CLVS1: variants seen among roughly 807,000 people sequenced by gnomAD.
The protein encoded by CLVS1 is clavesin 1, also known as clavesin-1.
Under a neutral mutation model 33.1 loss-of-function variants are expected in CLVS1, and 10 were observed. The ratio of observed to expected loss-of-function variants is 0.30; its 90% CI spans 0.19 to 0.51. CLVS1 has a LOEUF of 0.51. Among genes scored for constraint, CLVS1 ranks in the 20% least tolerant of loss-of-function variants. The pLI is 0.97. For missense variants in CLVS1, 343 were observed against 433.4 expected (o/e 0.79, Z 1.85); for synonymous variants, 163 against 166.1 (o/e 0.98, Z 0.14).
intron 2 of CLVS1, among the ~76,000 whole-genome samples, chr8:61,272,717 T>G (rs1809472522): frequency 6.6e-6 from 1 of 152,200 alleles, no homozygotes; most frequent in Admixed American, 6.5e-5. Context: ...TTCTCTAAAC[T>G]TCCCTTCTCA....
At chr8:61,235,931 A>G (rs187092657) in intron 2 of CLVS1, among the ~76,000 whole-genome samples, 2 of 152,322 alleles carry the variant, frequency 1.3e-5, no homozygotes, top group South Asian at 4.1e-4. Context: ...CATCTGGCAC[A>G]TGGTTAGATG....
intron 1 of CLVS1, among the ~76,000 whole-genome samples, chr8:61,057,612 C>T (rs867837512): frequency 1.4e-4 from 21 of 152,056 alleles, no homozygotes; most frequent in Admixed American, 3.3e-4. Flanking sequence ...TCTGGTATCC[C>T]ACTCTGAGCC....
intron 2 of CLVS1, among the ~76,000 whole-genome samples, chr8:61,246,205 G>A (rs1299215878): frequency 2.8e-5 from 2 of 70,952 alleles, no homozygotes; most frequent in African/African-American, 8.4e-5. Context: ...TTGAGACGGA[G>A]TCTCACTCTG....
intron 2 of CLVS1, among the ~76,000 whole-genome samples, chr8:61,366,826 TG>T (rs1228515022): frequency 2.6e-5 from 4 of 152,176 alleles, no homozygotes; most frequent in Non-Finnish European, 5.9e-5. Flanking sequence ...CTGCTCATGG[TG>T]GTATTTTATC....
At chr8:61,052,730 G>A (rs1804405807), upstream of CLVS1, among the ~76,000 whole-genome samples, 1 of 152,174 alleles carries the variant, frequency 6.6e-6, no homozygotes, top group East Asian at 1.9e-4. Context: ...GGTGGCGTGG[G>A]GCTCTGAGGG....
At chr8:61,049,045 A>G in the CLVS1 span, among the ~76,000 whole-genome samples, 1 of 152,204 alleles carries the variant, frequency 6.6e-6, no homozygotes. Flanking sequence ...AGAGGACAAA[A>G]TTTATTCAGG....
chr8:61,077,201 G>A (rs900689876), intron 1 of CLVS1, among the ~76,000 whole-genome samples: 2 of 151,692 alleles, frequency 1.3e-5, no homozygotes, highest in African/African-American at 4.8e-5. Flanking sequence ...AGCCTCCCGA[G>A]TAGCTGGGAC....
chr8:61,228,539 C>A (rs1808374809), intron 2 of CLVS1, among the ~76,000 whole-genome samples: 1 of 152,204 alleles, frequency 6.6e-6, no homozygotes, highest in African/African-American at 2.4e-5. Flanking sequence ...TGGGTTAAAT[C>A]ATCTATCACA....
the CLVS1 span, among the ~76,000 whole-genome samples, chr8:60,974,884 C>G: frequency 6.6e-6 from 1 of 152,124 alleles, no homozygotes; most frequent in Non-Finnish European, 1.5e-5. Context: ...AGCAGTAGCT[C>G]TCAATCCTGG....
At position 61,342,426 on chromosome 8, in the gene CLVS1, T is replaced by C. The variant is rs547587911; in HGVS notation, c.456-34179T>C. 5.9e-5 allele frequency among the ~76,000 whole-genome samples: 9 copies of C among 152,274 alleles called. 1 individual carries two copies. In the South Asian group the frequency reaches 1.0e-3, roughly 18 times the overall value. On this transcript the variant is annotated intron_variant, in intron 2 of 5. Coordinates refer to ENST00000325897, the MANE Select transcript of CLVS1 (RefSeq NM_173519.3). ...TCTGACACTTGTTGCCTATATCCGCTCTACACAGAGCTCCCTGAGAAGCGC... is the reference window on the plus strand; with the variant it reads ...TCTGACACTTGTTGCCTATATCCGCCCTACACAGAGCTCCCTGAGAAGCGC...
chr8:61,335,040 A>T (rs1355433910), intron 2 of CLVS1, among the ~76,000 whole-genome samples: 1 of 152,164 alleles, frequency 6.6e-6, no homozygotes, highest in African/African-American at 2.4e-5. Context: ...AGGGAGTTGG[A>T]GCAGTCTTCT....
intron 5 of CLVS1, among the ~76,000 whole-genome samples, chr8:61,475,361 G>T (rs1305535433): frequency 6.6e-6 from 1 of 152,176 alleles, no homozygotes; most frequent in Non-Finnish European, 1.5e-5. Flanking sequence ...GATCCCTGAG[G>T]AATCGCCACA....
At chr8:61,481,286 C>G (rs1196892212) in intron 5 of CLVS1, among the ~76,000 whole-genome samples, 2 of 152,148 alleles carry the variant, frequency 1.3e-5, no homozygotes, top group African/African-American at 4.8e-5. Flanking sequence ...GTCTGCAGCT[C>G]CCAGTGTGAG....
At chr8:61,032,518 A>T in the CLVS1 span, among the ~76,000 whole-genome samples, 1 of 152,170 alleles carries the variant, frequency 6.6e-6, no homozygotes, top group Non-Finnish European at 1.5e-5. Flanking sequence ...GGTGCTGGCC[A>T]GGGAGCTGAT....
chr8:61,060,495 G>A (rs976013739), intron 1 of CLVS1, among the ~76,000 whole-genome samples: 7 of 152,098 alleles, frequency 4.6e-5, no homozygotes, highest in African/African-American at 1.7e-4. Context: ...CAGAAATTTG[G>A]CTTTAAATTG....
chr8:61,110,384 T>A (rs1243633421), intron 1 of CLVS1, among the ~76,000 whole-genome samples: 1 of 152,144 alleles, frequency 6.6e-6, no homozygotes. Flanking sequence ...CCTCAATTAT[T>A]CCATGGAATC....
intron 3 of CLVS1, among the ~76,000 whole-genome samples, chr8:61,439,054 T>C (rs572907618): frequency 1.3e-5 from 2 of 152,364 alleles, no homozygotes; most frequent in Non-Finnish European, 2.9e-5. Flanking sequence ...ATTTACCACT[T>C]GCCAAAGATG....
chr8:61,179,696 A>G (rs531430140), intron 2 of CLVS1, among the ~76,000 whole-genome samples: 1 of 152,338 alleles, frequency 6.6e-6, no homozygotes, highest in East Asian at 1.9e-4. Flanking sequence ...ACTTACTCAA[A>G]ACCACACAAC....
intron 2 of CLVS1, among the ~76,000 whole-genome samples, chr8:61,209,353 A>C (rs1273946745): frequency 6.6e-6 from 1 of 152,222 alleles, no homozygotes; most frequent in Non-Finnish European, 1.5e-5. Flanking sequence ...TTCTCATAGA[A>C]AATGCTCATT....
Sources: gnomAD v4.1 joint callset for allele counts (sites outside exome capture counted in the v4.1 genomes callset) on GRCh38, gnomAD v4.1.1 for gene constraint, MANE v1.5 for transcripts, NCBI Gene and HGNC (gene_info 2026-07-23, HGNC 2026-07-21) for gene names.